Variants in CDH4 observed in about 807,000 individuals in gnomAD.
CDH4 encodes cadherin 4, also known as cadherin-4.
A neutral mutation model predicts 86.0 loss-of-function variants in CDH4; 33 were observed. The ratio of observed to expected loss-of-function variants is 0.38; its 90% CI spans 0.29 to 0.51. CDH4 has a LOEUF of 0.51. CDH4 is among the 20% of genes least tolerant of loss of function. The pLI, the probability that CDH4 is intolerant of heterozygous loss-of-function variation, is 0.86. For synonymous variants in CDH4, 555 were observed against 549.4 expected (o/e 1.01, Z -0.14); for missense variants, 1,114 against 1,307.4 (o/e 0.85, Z 2.28).
At chr20:61,859,462 C>G (rs796126741) in intron 6 of CDH4, among the ~76,000 whole-genome samples, 18 of 152,308 alleles carry the variant, frequency 1.2e-4, no homozygotes, top group African/African-American at 4.1e-4. Flanking sequence ...TCTGAGAGCT[C>G]TTCATCAAGC....
intron 2 of CDH4, among the ~76,000 whole-genome samples, chr20:61,495,730 C>T (rs2085656975): frequency 6.6e-6 from 1 of 151,768 alleles, no homozygotes; most frequent in African/African-American, 2.4e-5. Context: ...TGGTGAAACC[C>T]CATCTCTACT....
At chr20:61,781,014 C>T (rs1177843980) in intron 4 of CDH4, among the ~76,000 whole-genome samples, 1 of 152,182 alleles carries the variant, frequency 6.6e-6, no homozygotes, top group Non-Finnish European at 1.5e-5. Context: ...TTGGCTGCCC[C>T]GGAAATGTGC....
At chr20:61,686,199 A>G (rs547548801) in intron 2 of CDH4, among the ~76,000 whole-genome samples, 20 of 152,320 alleles carry the variant, frequency 1.3e-4, no homozygotes, top group Non-Finnish European at 2.6e-4. Context: ...GAGTTCTACA[A>G]ACTGTTTGCT....
intron 9 of CDH4, among the ~76,000 whole-genome samples, chr20:61,910,882 C>T (rs377662807): frequency 8.5e-5 from 13 of 152,260 alleles, no homozygotes; most frequent in Admixed American, 3.9e-4. Flanking sequence ...TAGTAATGGG[C>T]GAATTTCATT....
intron 6 of CDH4, among the ~76,000 whole-genome samples, chr20:61,858,188 T>C (rs1313904536): frequency 2.6e-5 from 4 of 151,820 alleles, no homozygotes; most frequent in Non-Finnish European, 2.9e-5. Flanking sequence ...TGTGTCTCTG[T>C]GTGTGTCTCT....
At chr20:61,469,437 C>A (rs1266229601) in intron 2 of CDH4, among the ~76,000 whole-genome samples, 1 of 152,078 alleles carries the variant, frequency 6.6e-6, no homozygotes, top group Non-Finnish European at 1.5e-5. Flanking sequence ...GTTGTTTGAG[C>A]CCTTTATATA....
intron 4 of CDH4, among the ~76,000 whole-genome samples, chr20:61,838,710 A>G (rs1222952547): frequency 6.6e-6 from 1 of 151,650 alleles, no homozygotes; most frequent in Non-Finnish European, 1.5e-5. Flanking sequence ...CCTAGTCCCA[A>G]CTACTTGGGA....
intron 3 of CDH4, among the ~76,000 whole-genome samples, chr20:61,763,978 G>T (rs966225613): frequency 4.6e-5 from 7 of 152,124 alleles, no homozygotes; most frequent in Non-Finnish European, 1.0e-4. Flanking sequence ...GGTCAGTTTT[G>T]CATTCTTTGT....
At chr20:61,757,853 C>A (rs1477123894) in intron 3 of CDH4, among the ~76,000 whole-genome samples, 1 of 152,222 alleles carries the variant, frequency 6.6e-6, no homozygotes, top group Non-Finnish European at 1.5e-5. Flanking sequence ...GGCCACAGGA[C>A]TGGACCTGAG....
intron 9 of CDH4, among the ~76,000 whole-genome samples, chr20:61,915,982 A>G (rs6061890): frequency 0.77 from 116,456 of 152,154 alleles, 48,396 homozygotes; most frequent in Non-Finnish European, 0.94. Flanking sequence ...CAACAGGAGA[A>G]CCACACTTTT....
chr20:61,918,652 G>A (rs2054931724), intron 9 of CDH4, among the ~76,000 whole-genome samples: 1 of 152,168 alleles, frequency 6.6e-6, no homozygotes, highest in Non-Finnish European at 1.5e-5. Context: ...CACCCCTGGG[G>A]AGGATGAGGG....
chr20:61,680,196 C>G (rs1265132244), intron 2 of CDH4, among the ~76,000 whole-genome samples: 2 of 152,236 alleles, frequency 1.3e-5, no homozygotes, highest in African/African-American at 2.4e-5. Context: ...CCAGTCACCA[C>G]CCCCTGCCCC....
intron 2 of CDH4, among the ~76,000 whole-genome samples, chr20:61,735,860 C>T (rs888146920): frequency 3.3e-5 from 5 of 152,344 alleles, no homozygotes; most frequent in East Asian, 3.9e-4. Flanking sequence ...CCTTCTGCCT[C>T]GGGGGCTGTG....
chr20:61,813,956 T>C (rs575948277), intron 4 of CDH4, among the ~76,000 whole-genome samples: 1 of 152,280 alleles, frequency 6.6e-6, no homozygotes, highest in Admixed American at 6.5e-5. Context: ...CAGCCCAATA[T>C]GTAGCAGGAG....
intron 2 of CDH4, among the ~76,000 whole-genome samples, chr20:61,523,094 G>A (rs905820019): frequency 6.6e-6 from 1 of 152,220 alleles, no homozygotes; most frequent in Non-Finnish European, 1.5e-5. Flanking sequence ...CATGCATCCT[G>A]CTGTCCAGAG....
chr20:61,601,020 T>G (rs562167980), intron 2 of CDH4, among the ~76,000 whole-genome samples: 1 of 152,288 alleles, frequency 6.6e-6, no homozygotes, highest in South Asian at 2.1e-4. Context: ...CCTTGTGTGT[T>G]AGTCTGTTCT....
At chr20:61,608,983 G>A (rs936499461) in intron 2 of CDH4, among the ~76,000 whole-genome samples, 2 of 152,148 alleles carry the variant, frequency 1.3e-5, no homozygotes, top group Non-Finnish European at 2.9e-5. Context: ...TCACGTCTCC[G>A]GGAGGGCTGT....
chr20:61,268,171 G>T (rs1391254218), intron 2 of CDH4, among the ~76,000 whole-genome samples: 1 of 152,252 alleles, frequency 6.6e-6, no homozygotes, highest in East Asian at 1.9e-4. Context: ...TGGAATGGGA[G>T]CGGGCCTGGC....
chr20:61,553,861 G>A (rs945614197), intron 2 of CDH4, among the ~76,000 whole-genome samples: 3 of 152,214 alleles, frequency 2.0e-5, no homozygotes, highest in Non-Finnish European at 4.4e-5. Context: ...CAGCCGGGAG[G>A]CAAGTTCCCT....
Sources: gnomAD v4.1 joint callset for allele counts (sites outside exome capture counted in the v4.1 genomes callset) on GRCh38, gnomAD v4.1.1 for gene constraint, MANE v1.5 for transcripts, NCBI Gene and HGNC (gene_info 2026-07-23, HGNC 2026-07-21) for gene names.